The following POLA1 variants were observed in gnomAD, a reference collection of about 807,000 sequenced individuals.
POLA1 encodes the protein DNA polymerase alpha 1, catalytic subunit.
POLA1 carries 15 observed loss-of-function variants against 124.0 expected under a neutral mutation model. That is an observed-to-expected ratio of 0.12 (90% CI 0.08 to 0.19). The LOEUF is 0.19. POLA1 is among the 10% of genes least tolerant of loss of function. The pLI, the probability that POLA1 is intolerant of heterozygous loss-of-function variation, is 1.00. For synonymous variants in POLA1, 408 were observed against 389.4 expected (o/e 1.05, Z -0.56); for missense variants, 886 against 1,103.4 (o/e 0.80, Z 2.79).
At chrX:24,848,303 A>G (rs1360831341) in intron 34 of POLA1, among the ~76,000 whole-genome samples, 1 of 112,110 alleles carries the variant, frequency 8.9e-6, no homozygotes, top group Non-Finnish European at 1.9e-5. Flanking sequence ...TGTGCAGTGT[A>G]TGTCGCCTTA....
intron 10 of POLA1, among the ~76,000 whole-genome samples, chrX:24,721,404 C>T (rs780871153): frequency 1.1e-3 from 125 of 112,078 alleles, no homozygotes; most frequent in African/African-American, 4.0e-3. Context: ...TTGATGCCAA[C>T]GGGTTAAATA....
chrX:24,901,887 T>G (rs2047284087), intron 35 of POLA1, among the ~76,000 whole-genome samples: 1 of 111,842 alleles, frequency 8.9e-6, no homozygotes, highest in African/African-American at 3.2e-5. Flanking sequence ...AGCAGTATCC[T>G]TACTCTTAAT....
chrX:24,883,084 G>A (rs2047023320), intron 34 of POLA1, among the ~76,000 whole-genome samples: 1 of 111,659 alleles, frequency 9.0e-6, no homozygotes, highest in Non-Finnish European at 1.9e-5. Context: ...GTTTTGATTT[G>A]CATCTCTCTG....
intron 36 of POLA1, among the ~76,000 whole-genome samples, chrX:24,953,624 C>T (rs2048072652): frequency 9.0e-6 from 1 of 111,117 alleles, no homozygotes; most frequent in African/African-American, 3.3e-5. Context: ...GGACAGGCAA[C>T]GAAGGGAAAG....
At chrX:24,845,721 T>C in intron 34 of POLA1, among the ~76,000 whole-genome samples, 1 of 112,229 alleles carries the variant, frequency 8.9e-6, no homozygotes, top group Non-Finnish European at 1.9e-5. Context: ...AGGATATTGA[T>C]AGTAAGTATT....
At chrX:24,783,293 T>G (rs888618078) in intron 26 of POLA1, among the ~76,000 whole-genome samples, 9 of 111,906 alleles carry the variant, frequency 8.0e-5, no homozygotes, top group African/African-American at 2.9e-4. Flanking sequence ...TGCAGGTTCC[T>G]TGGAGGCAAC....
Position 24,810,756 on chromosome X carries a change from A to C in POLA1, c.3046A>C (p.Thr1016Pro). 1 of 1,106,456 alleles carries C rather than the reference A, an allele frequency of 9.0e-7. No individual in the cohort carries two copies. The highest frequency in any genetic ancestry group is 1.2e-6 in the Non-Finnish European group (1 of 807,440). The allele number at this position is 1,106,456 out of a possible 1,213,427, so 91.2% of individuals were successfully genotyped here. A position where few individuals can be genotyped will look rare whatever the true frequency, so the allele number is the denominator to read the frequency against. The stretch of plus-strand genomic sequence containing the variant: ...AGATACAGATTCAATTATGATAAAC[A>C]CCAATAGCACCAATCTGGAAGAAGT... ...YGDTDSIMIN[T>P]NSTNLEEVFK... Residue 1016 changes from threonine to proline, a missense_variant, in exon 28 of 37, where the codon ACC (threonine) becomes CCC (proline). Around this residue, in one of 7 missense-constraint regions of POLA1, gnomAD observed 313 missense variants for 359.7 expected, o/e 0.87. Transcript: ENST00000379068.
chrX:24,727,044 C>T lies in POLA1; in HGVS notation c.1504C>T (p.Pro502Ser), dbSNP rs145623455. The change falls in exon 14 of 37, where the codon CCT becomes TCT. Residue 502 changes from proline (P) to serine (S), a missense_variant. Pro to Ser is a moderately conservative substitution (Grantham distance 74). Transcript: ENST00000379068. Reference protein sequence around the residue: ...LFLMNRKIKGPCWLEVKSPQL... With the variant: ...LFLMNRKIKGSCWLEVKSPQL... Reference sequence around the variant, plus strand: ...CTTGATGAACAGAAAGATCAAAGGACCTTGTTGGCTTGAAGTAAAAAGTCC... The same window carrying T: ...CTTGATGAACAGAAAGATCAAAGGATCTTGTTGGCTTGAAGTAAAAAGTCC... 645 of 1,201,090 alleles carry T rather than the reference C, an allele frequency of 5.4e-4. 1 individual carries two copies. The highest frequency in any genetic ancestry group is 2.5e-3 in the Middle Eastern group (11 of 4,320).
At chrX:24,734,059 C>G (rs1602301396) in intron 17 of POLA1, 1 of 227,769 alleles carries the variant, frequency 4.4e-6, no homozygotes, top group Non-Finnish European at 8.1e-6. Flanking sequence ...TGGATAGGCT[C>G]AAACCCCCCT....
chrX:24,792,113 CT>C (rs1248375568), intron 26 of POLA1, among the ~76,000 whole-genome samples: 3 of 111,542 alleles, frequency 2.7e-5, no homozygotes, highest in Non-Finnish European at 5.7e-5. Flanking sequence ...AGGAGAAAGA[CT>C]TTTTTTTATT....
Position 24,996,467 on chromosome X carries a change from G to A in POLA1, c.*517G>A. 8.8e-6 allele frequency: 1 copy of A among 113,323 alleles called. No individual in the cohort carries two copies. The highest frequency in any genetic ancestry group is 2.8e-4 in the East Asian group (1 of 3,625). The allele number at this position is 113,323 out of a possible 1,213,427, so 9.3% of individuals were successfully genotyped here. ...TTCAGTCTTGTCTTTTATATAGGTA[G>A]CTGAGGGGGAAGATTTAGAAGCCTT... On this transcript the variant is annotated 3_prime_UTR_variant, in exon 37 of 37. Coordinates refer to ENST00000379068, the MANE Select transcript of POLA1 (RefSeq NM_001330360.2).
At chrX:24,917,583 T>C (rs1372086460) in intron 35 of POLA1, among the ~76,000 whole-genome samples, 6 of 111,980 alleles carry the variant, frequency 5.4e-5, no homozygotes, top group African/African-American at 1.9e-4. Context: ...ATTATGTTAA[T>C]AGCTACCTGA....
chrX:24,759,954 GTTAT>G (rs1467603130), intron 26 of POLA1, among the ~76,000 whole-genome samples: 2 of 112,152 alleles, frequency 1.8e-5, no homozygotes, highest in Non-Finnish European at 3.8e-5. Context: ...CAAGCCATGT[GTTAT>G]TTGACAGGTG....
intron 36 of POLA1, among the ~76,000 whole-genome samples, chrX:24,958,700 A>C (rs1382615654): frequency 8.9e-6 from 1 of 112,189 alleles, no homozygotes; most frequent in Non-Finnish European, 1.9e-5. Flanking sequence ...ATATTCATGA[A>C]CATCAGTTTA....
At chrX:24,846,834 T>G (rs931404574) in intron 34 of POLA1, among the ~76,000 whole-genome samples, 1 of 112,358 alleles carries the variant, frequency 8.9e-6, no homozygotes, top group African/African-American at 3.2e-5. Flanking sequence ...CTGGTTAATT[T>G]GAAAGATAAC....
chrX:24,840,771 T>C (rs1049291943), intron 32 of POLA1, among the ~76,000 whole-genome samples: 2 of 112,246 alleles, frequency 1.8e-5, no homozygotes, highest in Non-Finnish European at 3.8e-5. Context: ...TATTGTCTCT[T>C]ATAATCTTTT....
rs779437589 is a variant in POLA1, at chrX:24,741,857, G to A, written c.2347-145G>A. The A allele has an allele frequency of 3.2e-5, 14 of 442,631 alleles. No individual in the cohort carries two copies. In the East Asian group the frequency reaches 5.4e-4, roughly 17 times the overall value. The allele number at this position is 442,631 out of a possible 1,213,427, so 36.5% of individuals were successfully genotyped here. A position where few individuals can be genotyped will look rare whatever the true frequency, so the allele number is the denominator to read the frequency against. On this transcript the variant is annotated intron_variant, in intron 21 of 36. Transcript: ENST00000379068. ...TAAAGAAAACGTTAGGAATAATTTA[G>A]TACCTTTTTTTTTTTTAAAAAAAAA... is the stretch of plus-strand genomic sequence containing the variant.
chrX:24,827,645 C>T (rs777810475), intron 32 of POLA1, among the ~76,000 whole-genome samples: 56 of 112,068 alleles, frequency 5.0e-4, no homozygotes, highest in Non-Finnish European at 9.2e-4. Flanking sequence ...CATAGGGACC[C>T]GGGTTTCAGT....
intron 35 of POLA1, among the ~76,000 whole-genome samples, chrX:24,904,232 G>A (rs1349064907): frequency 1.8e-5 from 2 of 110,389 alleles, no homozygotes; most frequent in African/African-American, 3.3e-5. Context: ...CGTGCCTAGC[G>A]ATGACCAGAT....
Sources: gnomAD v4.1 joint callset for allele counts (sites outside exome capture counted in the v4.1 genomes callset) on GRCh38, gnomAD v4.1.1 for gene constraint, gnomAD v4.1.1 regional missense constraint, MANE v1.5 for transcripts, NCBI Gene and HGNC (gene_info 2026-07-23, HGNC 2026-07-21) for gene names.